Variants in ADAP2 observed in about 807,000 individuals in gnomAD.
ADAP2 encodes the protein arf-GAP with dual PH domain-containing protein 2.
A neutral mutation model predicts 54.9 loss-of-function variants in ADAP2; 42 were observed. The observed-to-expected ratio is 0.77, with a 90% CI of 0.60 to 0.99. The LOEUF is 0.99. Ranked by LOEUF, ADAP2 falls within the 50% of genes least tolerant of loss-of-function variation. The pLI is 0.00. For synonymous variants in ADAP2, 177 were observed against 180.1 expected (o/e 0.98, Z 0.14); for missense variants, 429 against 480.4 (o/e 0.89, Z 1.00).
intron 5 of ADAP2, 38 bp from the exon 6 acceptor site, chr17:30,944,868 TG>T: frequency 6.2e-7 from 1 of 1,605,200 alleles, no homozygotes; most frequent in Non-Finnish European, 8.5e-7. Flanking sequence ...AGTCACCCTG[TG>T]GACTGTCAGC....
intron 2 of ADAP2, among the ~76,000 whole-genome samples, chr17:30,924,894 C>T (rs1340943019): frequency 4.2e-5 from 6 of 142,142 alleles, no homozygotes; most frequent in South Asian, 2.2e-4. Flanking sequence ...TTTTTTGAGA[C>T]GGAGTTTCAC....
At chr17:30,945,227 G>A (rs772246937) in intron 6 of ADAP2, among the ~76,000 whole-genome samples, 174 bp downstream of exon 6, 17 of 152,304 alleles carry the variant, frequency 1.1e-4, no homozygotes, top group Middle Eastern at 3.4e-3. Context: ...GATATGAGGA[G>A]GGCAGGGTGA....
At chr17:30,934,516 A>C (rs1332988760) in intron 5 of ADAP2, among the ~76,000 whole-genome samples, 1 of 152,196 alleles carries the variant, frequency 6.6e-6, no homozygotes, top group African/African-American at 2.4e-5. Context: ...GTCCATGTTT[A>C]AGCCTTTGAT....
Position 30,957,885 on chromosome 17 carries a change from A to G in ADAP2, c.*16A>G. 1.9e-6 allele frequency: 3 copies of G among 1,611,090 alleles called. No homozygotes were observed. The highest frequency in any genetic ancestry group is 2.5e-6 in the Non-Finnish European group (3 of 1,178,586). On this transcript the variant is annotated 3_prime_UTR_variant, in exon 11 of 11. Transcript: ENST00000330889. Reference sequence around the variant, plus strand: ...CAGCAGGTGACCCATTAACTGAGGAACTGGCTGCCACTGAACACCTGGAAC... The same window carrying G: ...CAGCAGGTGACCCATTAACTGAGGAGCTGGCTGCCACTGAACACCTGGAAC...
intron 5 of ADAP2, among the ~76,000 whole-genome samples, chr17:30,943,063 A>C (rs1360551616): frequency 6.6e-6 from 1 of 152,254 alleles, no homozygotes; most frequent in Non-Finnish European, 1.5e-5. Context: ...TACCCAAAGC[A>C]ATAGAAATAA....
chr17:30,924,877 T>G (rs549143123), intron 2 of ADAP2, among the ~76,000 whole-genome samples: 1 of 149,126 alleles, frequency 6.7e-6, no homozygotes, highest in South Asian at 2.1e-4. Flanking sequence ...TTTTTTTTGT[T>G]TTTTTTTTTT....
At chr17:30,949,224 A>G in intron 6 of ADAP2, 63 bp from the exon 7 acceptor site, 2 of 1,254,492 alleles carry the variant, frequency 1.6e-6, no homozygotes, top group Non-Finnish European at 2.3e-6. Flanking sequence ...CCGCCACCAG[A>G]GGTAGCTTCC....
At chr17:30,933,965 G>C (rs1321452036) in intron 4 of ADAP2, among the ~76,000 whole-genome samples, 2 of 152,216 alleles carry the variant, frequency 1.3e-5, no homozygotes, top group African/African-American at 4.8e-5. Flanking sequence ...AAGGAAGAAA[G>C]GTTTTAGGCA....
In ADAP2 at chr17:30,954,429, C is replaced by T. The variant is rs199913340; in HGVS notation, c.805-49C>T. On this transcript the variant is annotated intron_variant, in intron 8 of 10. Coordinates refer to ENST00000330889, the MANE Select transcript of ADAP2 (RefSeq NM_018404.3). ...GCTGGGCTGGCCCCTGACCTCTATC[C>T]TCAGAAACTGACCTGGTCATCTGTG... is the stretch of plus-strand genomic sequence containing the variant. 1.9e-3 allele frequency: 2,946 copies of T among 1,571,086 alleles called. 6 individuals are homozygous for T. The highest frequency in any genetic ancestry group is 2.3e-3 in the Non-Finnish European group (2,599 of 1,141,060).
chr17:30,939,789 AG>A (rs1912137656), intron 5 of ADAP2, among the ~76,000 whole-genome samples: 1 of 151,372 alleles, frequency 6.6e-6, no homozygotes, highest in Non-Finnish European at 1.5e-5. Context: ...AAAAAAAAAA[AG>A]GTATTGGACA....
intron 8 of ADAP2, 112 bp from the exon 9 acceptor site, chr17:30,954,366 T>C: frequency 1.2e-6 from 1 of 845,840 alleles, no homozygotes. Flanking sequence ...GAGGCTGGGC[T>C]GGAGAACCAG....
intron 7 of ADAP2, 105 bp from the exon 8 acceptor site, chr17:30,953,183 C>T (rs1218093821): frequency 7.4e-6 from 7 of 945,238 alleles, no homozygotes; most frequent in Non-Finnish European, 1.0e-5. Flanking sequence ...CATGAGCGTA[C>T]ATCCTTCCCC....
intron 5 of ADAP2, among the ~76,000 whole-genome samples, chr17:30,943,017 C>G (rs1912385546): frequency 6.6e-6 from 1 of 152,184 alleles, no homozygotes; most frequent in African/African-American, 2.4e-5. Flanking sequence ...TAAAACAGAA[C>G]TAACATTTGA....
In ADAP2 at chr17:30,954,526, C is replaced by T. The variant is rs772459818; in HGVS notation, c.853C>T (p.Arg285Trp). 54 of 1,613,960 alleles carry T rather than the reference C, an allele frequency of 3.3e-5. No individual in the cohort carries two copies. The highest frequency in any genetic ancestry group is 4.3e-5 in the Non-Finnish European group (51 of 1,179,982). ...KRWFALDCHE[R>W]RLLYYKNPLD... ...GTGGTTCGCCCTGGATTGCCATGAG[C>T]GGAGGCTGCTCTATTACAAGAACCC... The change falls in exon 9 of 11, where the codon CGG (arginine) becomes TGG (tryptophan). Residue 285 changes from arginine to tryptophan, a missense_variant. By Grantham distance (101) the Arg-to-Trp change is moderately radical (BLOSUM62 -3). Coordinates refer to ENST00000330889, the MANE Select transcript of ADAP2 (RefSeq NM_018404.3).
At chr17:30,922,375 G>A (rs1215687757) in intron 1 of ADAP2, among the ~76,000 whole-genome samples, 1 of 152,082 alleles carries the variant, frequency 6.6e-6, no homozygotes, top group Non-Finnish European at 1.5e-5. Flanking sequence ...GCTTGGACCC[G>A]GACACGAGAG....
At chr17:30,934,643 T>C (rs182640923) in intron 5 of ADAP2, among the ~76,000 whole-genome samples, 2 of 152,316 alleles carry the variant, frequency 1.3e-5, no homozygotes, top group Admixed American at 1.3e-4. Flanking sequence ...AACAAAACTC[T>C]TGTTCTCAGG....
chr17:30,957,675 C>T (rs999748382), intron 10 of ADAP2, among the ~76,000 whole-genome samples, 160 bp from the exon 11 acceptor site: 6 of 152,106 alleles, frequency 3.9e-5, no homozygotes, highest in African/African-American at 1.4e-4. Flanking sequence ...AAGTGATCCA[C>T]CTGCCTCGGC....
intron 2 of ADAP2, 60 bp downstream of exon 2, chr17:30,923,130 C>G: frequency 6.3e-7 from 1 of 1,590,006 alleles, no homozygotes; most frequent in Non-Finnish European, 8.6e-7. Flanking sequence ...AGGCAGCGGG[C>G]AGGGGGCTCC....
intron 5 of ADAP2, among the ~76,000 whole-genome samples, chr17:30,936,352 T>C (rs966829380): frequency 6.6e-6 from 1 of 152,104 alleles, no homozygotes; most frequent in East Asian, 1.9e-4. Context: ...TTTGTAGAGA[T>C]AGGGTTTTGC....
Sources: allele counts gnomAD v4.1 joint callset (sites outside exome capture counted in the v4.1 genomes callset), GRCh38; gene constraint gnomAD v4.1.1; transcripts MANE v1.5; gene names NCBI Gene and HGNC (gene_info 2026-07-23, HGNC 2026-07-21).